Variants in TAFA4 observed in about 807,000 individuals in gnomAD.
TAFA4 encodes the protein chemokine-like protein TAFA-4.
TAFA4 carries 20 observed loss-of-function variants against 21.1 expected under a neutral mutation model. The observed-to-expected ratio is 0.95, with a 90% CI of 0.67 to 1.38. The LOEUF (loss-of-function observed/expected upper bound fraction) is 1.38. TAFA4 is among the 40% of genes most tolerant of loss of function. The pLI is 0.00. For missense variants in TAFA4, 211 were observed against 180.9 expected, an observed-to-expected ratio of 1.17 and a Z score of -0.95; for synonymous variants, 71 against 67.4, an observed-to-expected ratio of 1.05 and a Z score of -0.26.
At chr3:68,761,827 G>A (rs753046062) in intron 3 of TAFA4, among the ~76,000 whole-genome samples, 1 of 152,196 alleles carries the variant, frequency 6.6e-6, no homozygotes, top group Non-Finnish European at 1.5e-5. Context: ...AGCAGTGGAG[G>A]TAGGAAGAAG....
chr3:68,804,626 C>G (rs138203099), intron 3 of TAFA4, among the ~76,000 whole-genome samples: 1 of 152,146 alleles, frequency 6.6e-6, no homozygotes. Context: ...TGGAAGAGAA[C>G]AGAGGCCTCA....
chr3:68,817,207 A>T (rs1264383367), intron 3 of TAFA4, among the ~76,000 whole-genome samples: 2 of 152,232 alleles, frequency 1.3e-5, no homozygotes, highest in African/African-American at 4.8e-5. Context: ...ATGTTCACAG[A>T]ATCTTCACAA....
At chr3:68,823,381 G>C (rs942693967) in intron 3 of TAFA4, among the ~76,000 whole-genome samples, 1 of 152,164 alleles carries the variant, frequency 6.6e-6, no homozygotes, top group Non-Finnish European at 1.5e-5. Context: ...ATATGTTGAA[G>C]TGTCATTGAA....
intron 3 of TAFA4, among the ~76,000 whole-genome samples, chr3:68,825,663 C>T (rs1704212618): frequency 6.6e-6 from 1 of 152,138 alleles, no homozygotes; most frequent in South Asian, 2.1e-4. Context: ...TTTAATAAAC[C>T]TAGTGTCCAG....
intron 3 of TAFA4, among the ~76,000 whole-genome samples, chr3:68,866,652 A>T (rs1310838273): frequency 1.3e-4 from 1 of 7,758 alleles, no homozygotes; most frequent in African/African-American, 2.3e-4. Context: ...TAGCAGTTCT[A>T]AAAAAAAAAA....
At chr3:68,812,834 G>T (rs1289016749) in intron 3 of TAFA4, among the ~76,000 whole-genome samples, 1 of 152,028 alleles carries the variant, frequency 6.6e-6, no homozygotes, top group Non-Finnish European at 1.5e-5. Context: ...CCTAATAGAC[G>T]TCTACAGAAC....
chr3:68,852,782 A>T (rs1704980252), intron 3 of TAFA4, among the ~76,000 whole-genome samples: 1 of 152,212 alleles, frequency 6.6e-6, no homozygotes, highest in Non-Finnish European at 1.5e-5. Context: ...CCCTTATCTT[A>T]GCATTGTCAC....
intron 3 of TAFA4, among the ~76,000 whole-genome samples, chr3:68,839,909 T>C (rs953257675): frequency 1.3e-5 from 2 of 152,202 alleles, no homozygotes; most frequent in African/African-American, 2.4e-5. Flanking sequence ...AGACCCTTGC[T>C]GGGTCTATCA....
intron 3 of TAFA4, among the ~76,000 whole-genome samples, chr3:68,811,092 C>T (rs1020378012): frequency 1.3e-5 from 2 of 152,214 alleles, no homozygotes; most frequent in African/African-American, 4.8e-5. Context: ...CAAACTCCAA[C>T]AGACCTGCAG....
intron 3 of TAFA4, among the ~76,000 whole-genome samples, chr3:68,771,747 C>A (rs188839278): frequency 6.6e-6 from 1 of 151,936 alleles, no homozygotes; most frequent in African/African-American, 2.4e-5. Context: ...CCACACAACG[C>A]CTTTCTAGAA....
At chr3:68,924,116 C>G (rs1288794535) in intron 1 of TAFA4, among the ~76,000 whole-genome samples, 1 of 152,152 alleles carries the variant, frequency 6.6e-6, no homozygotes, top group African/African-American at 2.4e-5. Flanking sequence ...TCCAGCAACT[C>G]CACTTCTGGG....
At chr3:68,799,337 A>G (rs1703522912) in intron 3 of TAFA4, among the ~76,000 whole-genome samples, 1 of 152,076 alleles carries the variant, frequency 6.6e-6, no homozygotes, top group Non-Finnish European at 1.5e-5. Context: ...CTGTCCTCAT[A>G]TGGTGGAAGA....
At chr3:68,894,091 A>C (rs1222495518) in intron 1 of TAFA4, among the ~76,000 whole-genome samples, 3 of 152,158 alleles carry the variant, frequency 2.0e-5, no homozygotes, top group African/African-American at 7.2e-5. Flanking sequence ...TTTCTATGGA[A>C]TACTACACAT....
intron 3 of TAFA4, among the ~76,000 whole-genome samples, chr3:68,800,169 A>G (rs145462791): frequency 0.012 from 1,775 of 152,256 alleles, 41 homozygotes; most frequent in African/African-American, 0.04. Context: ...AATAAATGTA[A>G]TGCACTTGAA....
At chr3:68,770,936 G>A (rs1324097065) in intron 3 of TAFA4, among the ~76,000 whole-genome samples, 2 of 152,114 alleles carry the variant, frequency 1.3e-5, no homozygotes, top group Non-Finnish European at 2.9e-5. Flanking sequence ...AGCTCTAGAG[G>A]GCACACACAC....
chr3:68,885,729 C>A lies in TAFA4; in HGVS notation c.-122-419G>T, dbSNP rs1024595308. Among the ~76,000 whole-genome samples the A allele has an allele frequency of 2.0e-5, 3 of 152,180 alleles. No homozygotes were observed. The East Asian group carries it at 5.8e-4, about 29-fold the overall frequency. ...GCAGTGGAAAAGCCAGCACGAAGAT[C>A]TGAATTCCTGGATTTGTGTGACATA... is the stretch of plus-strand genomic sequence containing the variant. On this transcript the variant is annotated intron_variant, in intron 1 of 5. Coordinates refer to ENST00000295569, the MANE Select transcript of TAFA4 (RefSeq NM_182522.5).
rs868541694 is a variant in TAFA4, at chr3:68,926,104, C to T, written c.-123+6136G>A. On this transcript the variant is annotated intron_variant, in intron 1 of 5. Transcript: ENST00000295569. ...AAAATTAGCCAGGCATGGTGGCGCA[C>T]GCCTGTACTCCCAGCTACTCAGGAG... Among the ~76,000 whole-genome samples the T allele has an allele frequency of 1.2e-4, 18 of 151,954 alleles. No homozygotes were observed. The South Asian group carries it at 2.3e-3, about 19-fold the overall frequency.
intron 3 of TAFA4, among the ~76,000 whole-genome samples, chr3:68,838,095 G>A (rs1026308929): frequency 6.6e-6 from 1 of 152,026 alleles, no homozygotes; most frequent in Admixed American, 6.5e-5. Flanking sequence ...TATGACTATA[G>A]TTAATATAGT....
intron 3 of TAFA4, among the ~76,000 whole-genome samples, chr3:68,794,863 G>A (rs151268400): frequency 5.1e-4 from 78 of 151,580 alleles, no homozygotes; most frequent in Admixed American, 7.2e-4. Context: ...CATAGGAATT[G>A]CTCCCAACAA....
Sources: gnomAD v4.1 joint callset for allele counts (sites outside exome capture counted in the v4.1 genomes callset) on GRCh38, gnomAD v4.1.1 for gene constraint, MANE v1.5 for transcripts, NCBI Gene and HGNC (gene_info 2026-07-23, HGNC 2026-07-21) for gene names.